The following ADAM10 variants were observed in gnomAD, a reference collection of about 807,000 sequenced individuals.
The protein encoded by ADAM10 is ADAM metallopeptidase domain 10.
In ADAM10, 17 loss-of-function variants were observed where a neutral mutation model predicts 90.1. The observed-to-expected ratio is 0.19, with a 90% CI of 0.13 to 0.28. The LOEUF (loss-of-function observed/expected upper bound fraction) is 0.28. Among genes scored for constraint, ADAM10 ranks in the 10% least tolerant of loss-of-function variants. The probability of loss-of-function intolerance (pLI) is 1.00; values close to 1 mark genes in which losing one functional copy is unlikely to be tolerated. For synonymous variants in ADAM10, 310 were observed against 298.6 expected (o/e 1.04, Z -0.40); for missense variants, 610 against 914.3 (o/e 0.67, Z 4.29).
Position 58,605,082 on chromosome 15 carries a change from G to C in ADAM10, c.2025+5215C>G, listed in dbSNP as rs115603506. ...AGCCATACGAGTACACGCTATGGCA[G>C]TAAGAGAGGCAGATTGGAGACAGAA... On this transcript the variant is annotated intron_variant, in intron 14 of 15. Transcript: ENST00000260408. Among the ~76,000 whole-genome samples the C allele has an allele frequency of 9.7e-3, 1,474 of 152,318 alleles. 32 individuals carry two copies. The highest frequency in any genetic ancestry group is 0.033 in the African/African-American group (1,379 of 41,562).
intron 1 of ADAM10, among the ~76,000 whole-genome samples, chr15:58,742,391 C>T (rs1450040964): frequency 6.6e-6 from 1 of 152,158 alleles, no homozygotes; most frequent in Non-Finnish European, 1.5e-5. Context: ...ACTTTCTCAC[C>T]ATCACAAAGT....
In ADAM10 at chr15:58,611,060, C is replaced by T; in HGVS notation, c.1743G>A (p.Thr581=). The T allele has an allele frequency of 6.2e-7, 1 of 1,613,934 alleles. No individual in the cohort carries two copies. Among genetic ancestry groups the T allele is most frequent in the Non-Finnish European group, 8.5e-7 (1 of 1,179,872 alleles). The part of the protein sequence containing the change: ...ICEKYGLEEC[T]CASSDGKDDK... ...CATCTTTGCCATCAGAACTGGCACA[C>T]GTACACTCCTCTAAGCCATATTTCT... Residue 581 remains threonine, a synonymous_variant, in exon 13 of 16, where the codon ACG becomes ACA. Coordinates refer to ENST00000260408, the MANE Select transcript of ADAM10 (RefSeq NM_001110.4).
chr15:58,613,786 T>C (rs962232424), intron 11 of ADAM10, among the ~76,000 whole-genome samples: 2 of 152,180 alleles, frequency 1.3e-5, no homozygotes, highest in Admixed American at 6.5e-5. Context: ...ATAAGACTTA[T>C]GGGACACCAC....
At chr15:58,701,018 A>C (rs866394960) in intron 2 of ADAM10, among the ~76,000 whole-genome samples, 28 of 129,464 alleles carry the variant, frequency 2.2e-4, no homozygotes, top group Middle Eastern at 3.6e-3. Context: ...AAAAAACAAA[A>C]AAACAAAAAA....
At chr15:58,650,619 G>A (rs1054541718) in intron 5 of ADAM10, among the ~76,000 whole-genome samples, 10 of 152,084 alleles carry the variant, frequency 6.6e-5, no homozygotes, top group Admixed American at 6.5e-4. Flanking sequence ...GACACACCTG[G>A]AGAAAAGGTA....
chr15:58,703,384 CAGAT>C (rs1898186853), intron 2 of ADAM10, among the ~76,000 whole-genome samples: 1 of 150,034 alleles, frequency 6.7e-6, no homozygotes, highest in Admixed American at 6.7e-5. Flanking sequence ...AGCAGGAACT[CAGAT>C]AGTTGCACAT....
intron 2 of ADAM10, among the ~76,000 whole-genome samples, chr15:58,709,300 C>T (rs1224573129): frequency 6.6e-6 from 1 of 152,078 alleles, no homozygotes; most frequent in African/African-American, 2.4e-5. Context: ...ACTTATCTCA[C>T]AAAAGATCCA....
chr15:58,694,504 C>G (rs969017660), intron 2 of ADAM10, among the ~76,000 whole-genome samples: 16 of 151,886 alleles, frequency 1.1e-4, no homozygotes, highest in Non-Finnish European at 5.9e-5. Flanking sequence ...GCCTGTAATC[C>G]CAGTACTTTG....
At position 58,599,317 on chromosome 15, in the gene ADAM10, T is replaced by TA. The variant is rs1365053370; in HGVS notation, c.2152+280_2152+281insT. Reference sequence around the variant, plus strand: ...GGCAAGGGAATATGTTAGAATATATTTAAAAAAAAAAAAACAAGAAAACAA... The same window carrying TA: ...GGCAAGGGAATATGTTAGAATATATTATAAAAAAAAAAAAACAAGAAAACAA... On this transcript the variant is annotated intron_variant, in intron 15 of 15. Coordinates refer to ENST00000260408, the MANE Select transcript of ADAM10 (RefSeq NM_001110.4). Among the ~76,000 whole-genome samples the TA allele has an allele frequency of 8.8e-4, 130 of 148,190 alleles. 1 individual carries two copies. Among genetic ancestry groups the TA allele is most frequent in the Middle Eastern group, 3.4e-3 (1 of 294 alleles).
chr15:58,615,597 C>G (rs1895585991), intron 11 of ADAM10, among the ~76,000 whole-genome samples: 1 of 152,086 alleles, frequency 6.6e-6, no homozygotes. Flanking sequence ...CATTTTACCT[C>G]TAAAGACATA....
At chr15:58,682,103 C>T (rs1406984909) in intron 3 of ADAM10, 93 bp downstream of exon 3, 1 of 1,559,782 alleles carries the variant, frequency 6.4e-7, no homozygotes, top group Non-Finnish European at 8.7e-7. Context: ...GATTTATAAC[C>T]TTTTCTGAAA....
rs1414046469 is a variant in ADAM10, at chr15:58,620,756, C to A, written c.1511+715G>T. On this transcript the variant is annotated intron_variant, in intron 11 of 15. Transcript: ENST00000260408. ...CAATCTCGGCTCACTGCAAGCTCCG[C>A]TTCCCGGGTTCACGCCATTCTCCTG... 4.4e-5 allele frequency among the ~76,000 whole-genome samples: 2 copies of A among 45,412 alleles called. 1 individual carries two copies. Among genetic ancestry groups the A allele is most frequent in the Admixed American group, 4.5e-4 (2 of 4,454 alleles). 29.8% of individuals were successfully genotyped at this position (45,412 alleles called of 152,430 possible). A position where few individuals can be genotyped will look rare whatever the true frequency, so the allele number is the denominator to read the frequency against.
Position 58,611,870 on chromosome 15 carries a change from C to T in ADAM10, c.1633G>A (p.Ala545Thr), listed in dbSNP as rs1195587674. 1 of 1,614,164 alleles carries T rather than the reference C, an allele frequency of 6.2e-7. No individual in the cohort carries two copies. The highest frequency in any genetic ancestry group is 8.5e-7 in the Non-Finnish European group (1 of 1,180,020). ...ICNGFTALCPASDPKPNFTDC... is the reference protein window; with the variant it reads ...ICNGFTALCPTSDPKPNFTDC... ...GTGAAGTTTGGTTTAGGGTCAGATGCTGGGCAGAGAGCTGTGAAGCCATTA... is the reference window on the plus strand; with the variant it reads ...GTGAAGTTTGGTTTAGGGTCAGATGTTGGGCAGAGAGCTGTGAAGCCATTA... The change falls in exon 12 of 16, where the codon GCA becomes ACA. Residue 545 changes from alanine (A) to threonine (T), a missense_variant. Physicochemically the swap from Ala to Thr is moderately conservative, Grantham distance 58. Transcript: ENST00000260408.
chr15:58,728,286 G>C (rs1481553551), intron 1 of ADAM10, among the ~76,000 whole-genome samples: 1 of 152,184 alleles, frequency 6.6e-6, no homozygotes, highest in Non-Finnish European at 1.5e-5. Context: ...ACTGCAAATA[G>C]CCCAGGGAGC....
intron 1 of ADAM10, among the ~76,000 whole-genome samples, chr15:58,728,095 C>T (rs1899101743): frequency 6.6e-6 from 1 of 152,124 alleles, no homozygotes; most frequent in African/African-American, 2.4e-5. Context: ...TAATCCTAGG[C>T]CACAAAGCAC....
At chr15:58,699,215 G>A (rs1898062688) in intron 2 of ADAM10, among the ~76,000 whole-genome samples, 2 of 152,148 alleles carry the variant, frequency 1.3e-5, no homozygotes, top group South Asian at 4.1e-4. Flanking sequence ...TCAGAAATGA[G>A]GGAGAAATAA....
intron 6 of ADAM10, 132 bp from the exon 7 acceptor site, chr15:58,644,110 T>C: frequency 1.5e-6 from 1 of 681,778 alleles, no homozygotes; most frequent in East Asian, 2.7e-5. Context: ...CATTATATAC[T>C]GGACATAAAT....
intron 11 of ADAM10, among the ~76,000 whole-genome samples, chr15:58,615,578 C>T (rs1039519681): frequency 5.9e-5 from 9 of 152,074 alleles, no homozygotes; most frequent in Non-Finnish European, 1.3e-4. Flanking sequence ...ATGCTGCTTA[C>T]AAGAAAATCA....
At chr15:58,675,914 T>C (rs1897295318) in intron 4 of ADAM10, among the ~76,000 whole-genome samples, 1 of 152,168 alleles carries the variant, frequency 6.6e-6, no homozygotes, top group South Asian at 2.1e-4. Context: ...GGATAACATA[T>C]ACAACGATAC....
Sources: allele counts gnomAD v4.1 joint callset (sites outside exome capture counted in the v4.1 genomes callset), GRCh38; gene constraint gnomAD v4.1.1; transcripts MANE v1.5; gene names NCBI Gene and HGNC (gene_info 2026-07-23, HGNC 2026-07-21).